CCSER1: variants seen among roughly 807,000 people sequenced by gnomAD.
CCSER1 encodes coiled-coil serine rich protein 1.
CCSER1 carries 41 observed loss-of-function variants against 82.0 expected under a neutral mutation model. The observed-to-expected ratio is 0.50, with a 90% confidence interval of 0.39 to 0.65. The LOEUF (loss-of-function observed/expected upper bound fraction) is 0.65. CCSER1 is among the 30% of genes least tolerant of loss of function. The pLI is 0.00. For missense variants in CCSER1, 1,119 were observed against 1,064.2 expected, an observed-to-expected ratio of 1.05 and a Z score of -0.72; for synonymous variants, 414 against 383.9, an observed-to-expected ratio of 1.08 and a Z score of -0.92.
intron 1 of CCSER1, among the ~76,000 whole-genome samples, chr4:90,202,695 C>T (rs1737993772): frequency 6.6e-6 from 1 of 152,212 alleles, no homozygotes; most frequent in African/African-American, 2.4e-5. Context: ...TGTTTTATCA[C>T]TGCTTCCACA....
intron 6 of CCSER1, among the ~76,000 whole-genome samples, chr4:90,661,581 T>C (rs1371087082): frequency 2.0e-5 from 3 of 152,202 alleles, no homozygotes; most frequent in Non-Finnish European, 4.4e-5. Flanking sequence ...TAGTGTGAGA[T>C]GATTTATGTT....
chr4:90,327,267 C>T (rs148315105), intron 3 of CCSER1, among the ~76,000 whole-genome samples: 1 of 152,194 alleles, frequency 6.6e-6, no homozygotes, highest in South Asian at 2.1e-4. Context: ...GTATTTTTAC[C>T]CATTGGTGTT....
chr4:90,998,371 C>T (rs563160025), intron 9 of CCSER1, among the ~76,000 whole-genome samples: 5 of 152,152 alleles, frequency 3.3e-5, no homozygotes, highest in Non-Finnish European at 7.4e-5. Flanking sequence ...TGAGCCACTG[C>T]GCCCACCCTA....
chr4:90,981,047 C>T (rs1374309604), intron 9 of CCSER1, among the ~76,000 whole-genome samples: 1 of 151,758 alleles, frequency 6.6e-6, no homozygotes, highest in Non-Finnish European at 1.5e-5. Context: ...GGCATTAACT[C>T]TCTCTAGGGA....
intron 8 of CCSER1, among the ~76,000 whole-genome samples, chr4:90,879,252 G>A (rs1019933184): frequency 2.0e-5 from 3 of 152,214 alleles, no homozygotes; most frequent in African/African-American, 2.4e-5. Context: ...GCGTTATTCA[G>A]CTCTGTCAGA....
intron 3 of CCSER1, among the ~76,000 whole-genome samples, chr4:90,381,392 C>T (rs1047630642): frequency 5.3e-5 from 8 of 152,082 alleles, no homozygotes; most frequent in African/African-American, 9.6e-5. Flanking sequence ...GTATATTTTA[C>T]GGGAAAATGG....
intron 4 of CCSER1, among the ~76,000 whole-genome samples, chr4:90,459,989 T>C (rs1261328153): frequency 6.6e-6 from 1 of 152,120 alleles, no homozygotes; most frequent in African/African-American, 2.4e-5. Context: ...AATTTTATTG[T>C]AGAAAAAAAT....
chr4:91,565,492 A>C (rs1914237), intron 10 of CCSER1, among the ~76,000 whole-genome samples: 103,358 of 151,950 alleles, frequency 0.68, 35,794 homozygotes, highest in African/African-American at 0.82. Context: ...ATTTAGGCAG[A>C]AAAGCCATTT....
At chr4:90,753,033 A>T (rs1178739491) in intron 7 of CCSER1, among the ~76,000 whole-genome samples, 1 of 152,154 alleles carries the variant, frequency 6.6e-6, no homozygotes, top group Non-Finnish European at 1.5e-5. Flanking sequence ...AAGGCAGATT[A>T]ACAAGAGAAA....
rs548054842 is a variant in CCSER1, at chr4:90,488,925, A to T, written c.1724+20571A>T. Among the ~76,000 whole-genome samples, 35 of 152,282 alleles carry T rather than the reference A, an allele frequency of 2.3e-4. No individual in the cohort carries two copies. The South Asian group carries it at 6.4e-3, about 28-fold the overall frequency. Reference sequence around the variant, plus strand: ...CATGTCAGGAGAGGTTTGAGGAGGGATTAATTTTGTAGGTAGTCAGTTCAC... The same window carrying T: ...CATGTCAGGAGAGGTTTGAGGAGGGTTTAATTTTGTAGGTAGTCAGTTCAC... On this transcript the variant is annotated intron_variant, in intron 5 of 10. Coordinates refer to ENST00000509176, the MANE Select transcript of CCSER1 (RefSeq NM_001145065.2).
At chr4:90,476,550 T>A (rs1023237181) in intron 5 of CCSER1, among the ~76,000 whole-genome samples, 2 of 152,210 alleles carry the variant, frequency 1.3e-5, no homozygotes, top group Non-Finnish European at 2.9e-5. Context: ...CTTCTGTATT[T>A]TTTTTTATCA....
chr4:90,286,687 T>A (rs1381709456), intron 1 of CCSER1, among the ~76,000 whole-genome samples: 1 of 151,990 alleles, frequency 6.6e-6, no homozygotes, highest in Non-Finnish European at 1.5e-5. Flanking sequence ...CTTAGAAAAA[T>A]TCATACACTT....
intron 10 of CCSER1, among the ~76,000 whole-genome samples, chr4:91,302,212 A>G (rs1309397185): frequency 6.6e-6 from 1 of 152,008 alleles, no homozygotes; most frequent in African/African-American, 2.4e-5. Flanking sequence ...TGGTCAAAAT[A>G]AAATCCTCAC....
intron 9 of CCSER1, among the ~76,000 whole-genome samples, chr4:91,074,655 T>A (rs1258769563): frequency 1.3e-5 from 2 of 152,320 alleles, no homozygotes; most frequent in South Asian, 4.1e-4. Context: ...CTGACACTTA[T>A]AAATTAAGTT....
At chr4:90,171,767 C>T (rs550310690) in intron 1 of CCSER1, among the ~76,000 whole-genome samples, 1 of 151,942 alleles carries the variant, frequency 6.6e-6, no homozygotes, top group East Asian at 1.9e-4. Context: ...TCTGCATAAA[C>T]ATGCTATGTT....
intron 10 of CCSER1, among the ~76,000 whole-genome samples, chr4:91,216,056 T>G (rs1581785651): frequency 6.6e-6 from 1 of 152,154 alleles, no homozygotes; most frequent in Non-Finnish European, 1.5e-5. Context: ...CTTTTGCTTA[T>G]TGGGTTACCA....
intron 5 of CCSER1, among the ~76,000 whole-genome samples, chr4:90,503,800 A>G (rs1183479701): frequency 1.3e-5 from 2 of 152,094 alleles, no homozygotes; most frequent in African/African-American, 4.8e-5. Context: ...ATTTTATTTC[A>G]GTTATGGCTA....
rs147451483 is a variant in CCSER1 at position 91,020,981 on chromosome 4, G to A, written c.2173-64969G>A. Among the ~76,000 whole-genome samples the A allele has an allele frequency of 6.6e-4, 100 of 152,146 alleles. 2 individuals are homozygous for A. Among genetic ancestry groups the A allele is most frequent in the African/African-American group, 2.3e-3 (95 of 41,532 alleles). On this transcript the variant is annotated intron_variant, in intron 9 of 10. Transcript: ENST00000509176. Reference sequence around the variant, plus strand: ...GCTACTAGCTACATTCCTTTAAATCGTTAAGAAAACGAGATACTTCAAAGT... The same window carrying A: ...GCTACTAGCTACATTCCTTTAAATCATTAAGAAAACGAGATACTTCAAAGT...
At chr4:90,638,486 T>G (rs567698231) in intron 6 of CCSER1, among the ~76,000 whole-genome samples, 1 of 152,260 alleles carries the variant, frequency 6.6e-6, no homozygotes, top group South Asian at 2.1e-4. Context: ...ACAAGTTATT[T>G]TCCCTCATTG....
Sources: allele counts gnomAD v4.1 joint callset (sites outside exome capture counted in the v4.1 genomes callset), GRCh38; gene constraint gnomAD v4.1.1; transcripts MANE v1.5; gene names NCBI Gene and HGNC (gene_info 2026-07-23, HGNC 2026-07-21).